The following TCF4 variants were observed in gnomAD, a reference collection of about 807,000 sequenced individuals.
The protein encoded by TCF4 is transcription factor 4, also known as SL3-3 enhancer factor 2.
A neutral mutation model predicts 82.1 loss-of-function variants in TCF4; 3 were observed. The observed-to-expected ratio is 0.04, with a 90% CI of 0.02 to 0.09. The LOEUF (loss-of-function observed/expected upper bound fraction) is 0.09. TCF4 is among the 10% of genes least tolerant of loss of function. TCF4 has a pLI of 1.00. For missense variants in TCF4, 518 were observed against 852.7 expected, an observed-to-expected ratio of 0.61 and a Z score of 4.89; for synonymous variants, 276 against 309.6, an observed-to-expected ratio of 0.89 and a Z score of 1.14.
intron 3 of TCF4, among the ~76,000 whole-genome samples, chr18:55,557,058 T>C (rs944773088): frequency 5.9e-5 from 9 of 152,322 alleles, no homozygotes; most frequent in African/African-American, 1.9e-4. Flanking sequence ...CTCCTAAAAA[T>C]GTAACTTCCA....
chr18:55,573,132 A>G (rs1230654710), intron 3 of TCF4, among the ~76,000 whole-genome samples: 1 of 152,078 alleles, frequency 6.6e-6, no homozygotes, highest in Non-Finnish European at 1.5e-5. Context: ...AGAATTGCAA[A>G]CTCAATCTAA....
intron 6 of TCF4, among the ~76,000 whole-genome samples, chr18:55,374,143 G>C (rs1051954068): frequency 3.3e-5 from 5 of 151,572 alleles, no homozygotes; most frequent in Admixed American, 3.3e-4. Flanking sequence ...AAAATCTAAG[G>C]GATGCAGCCA....
intron 5 of TCF4, among the ~76,000 whole-genome samples, chr18:55,440,630 A>G (rs1055263377): frequency 3.3e-5 from 5 of 152,176 alleles, no homozygotes; most frequent in Non-Finnish European, 7.4e-5. Context: ...GAAACAGCTC[A>G]TTATTATTTA....
chr18:55,347,370 G>T (rs2081404063), intron 8 of TCF4, among the ~76,000 whole-genome samples: 1 of 152,062 alleles, frequency 6.6e-6, no homozygotes, highest in African/African-American at 2.4e-5. Context: ...GCAAGTACTG[G>T]TCTATGTGCA....
At chr18:55,578,016 T>C (rs1479417436) in intron 3 of TCF4, among the ~76,000 whole-genome samples, 1 of 152,112 alleles carries the variant, frequency 6.6e-6, no homozygotes, top group Non-Finnish European at 1.5e-5. Context: ...TTTGACGTCA[T>C]CCGTTACAGA....
At chr18:55,489,300 TCTC>T (rs1013190372) in intron 3 of TCF4, among the ~76,000 whole-genome samples, 1 of 152,146 alleles carries the variant, frequency 6.6e-6, no homozygotes, top group African/African-American at 2.4e-5. Context: ...TCACCAAGCC[TCTC>T]CTCTGCCCAC....
chr18:55,585,619 C>A (rs1379081966), intron 2 of TCF4: 2 of 563,894 alleles, frequency 3.5e-6, no homozygotes, highest in Non-Finnish European at 5.6e-6. Context: ...CAAACACAGT[C>A]CCCATAATGT....
At chr18:55,617,479 G>T (rs747001524) in intron 2 of TCF4, among the ~76,000 whole-genome samples, 2 of 151,934 alleles carry the variant, frequency 1.3e-5, no homozygotes, top group African/African-American at 4.8e-5. Flanking sequence ...AAATGCCATT[G>T]GAATTTTTAT....
At chr18:55,401,004 G>C (rs774979825) in intron 6 of TCF4, 1 of 1,289,102 alleles carries the variant, frequency 7.8e-7, no homozygotes, top group Admixed American at 2.3e-5. Flanking sequence ...CACTCACCTT[G>C]TCACACAGTG....
At chr18:55,348,651 C>T (rs910703171) in intron 8 of TCF4, among the ~76,000 whole-genome samples, 5 of 152,104 alleles carry the variant, frequency 3.3e-5, no homozygotes, top group Admixed American at 3.3e-4. Context: ...ACATTTACAA[C>T]GAATTATGAA....
At chr18:55,612,849 G>A (rs995114895) in intron 2 of TCF4, among the ~76,000 whole-genome samples, 12 of 152,088 alleles carry the variant, frequency 7.9e-5, no homozygotes, top group African/African-American at 2.7e-4. Context: ...TAGGGAGGCC[G>A]AGGCACGAGA....
chr18:55,583,325 G>C (rs867222191), intron 3 of TCF4, among the ~76,000 whole-genome samples: 13 of 151,996 alleles, frequency 8.6e-5, no homozygotes, highest in South Asian at 6.2e-4. Flanking sequence ...TTGCATGCAT[G>C]AACATATGTG....
At chr18:55,501,231 T>A (rs970956287) in intron 3 of TCF4, among the ~76,000 whole-genome samples, 8 of 152,180 alleles carry the variant, frequency 5.3e-5, no homozygotes, top group African/African-American at 1.9e-4. Flanking sequence ...CAAGCCACTC[T>A]TAGTATTCAT....
intron 6 of TCF4, among the ~76,000 whole-genome samples, chr18:55,365,154 AAAATAT>A (rs1569204537): frequency 4.8e-4 from 25 of 52,418 alleles, no homozygotes; most frequent in African/African-American, 2.3e-3. Context: ...CTCCATCTCC[AAAATAT>A]ATATATATAT....
chr18:55,571,267 A>G (rs1479349812), intron 3 of TCF4, among the ~76,000 whole-genome samples: 1 of 152,254 alleles, frequency 6.6e-6, no homozygotes, highest in African/African-American at 2.4e-5. Flanking sequence ...GGACAATAAC[A>G]TACCAAGTGA....
intron 1 of TCF4, among the ~76,000 whole-genome samples, chr18:55,587,596 G>C (rs2097663155): frequency 6.6e-6 from 1 of 150,874 alleles, no homozygotes. Context: ...ACTCACACTC[G>C]CACACGCACA....
At chr18:55,611,872 G>A (rs2097707361) in intron 2 of TCF4, among the ~76,000 whole-genome samples, 2 of 152,084 alleles carry the variant, frequency 1.3e-5, no homozygotes, top group Admixed American at 6.6e-5. Flanking sequence ...GAATTCAAGC[G>A]ATTCTCTTGC....
At chr18:55,634,671 T>C (rs747789733) in intron 1 of TCF4, among the ~76,000 whole-genome samples, 1 of 152,236 alleles carries the variant, frequency 6.6e-6, no homozygotes, top group African/African-American at 2.4e-5. Context: ...ATTGCAATTT[T>C]ATCCTATATT....
At chr18:55,302,838 T>C (rs1237702829) in intron 8 of TCF4, among the ~76,000 whole-genome samples, 4 of 152,162 alleles carry the variant, frequency 2.6e-5, no homozygotes, top group African/African-American at 4.8e-5. Flanking sequence ...CTCCTGGGAA[T>C]AGAGGAGGTC....
Sources: gnomAD v4.1 joint callset for allele counts (sites outside exome capture counted in the v4.1 genomes callset) on GRCh38, gnomAD v4.1.1 for gene constraint, MANE v1.5 for transcripts, NCBI Gene and HGNC (gene_info 2026-07-23, HGNC 2026-07-21) for gene names.